Variants in HNRNPD observed in about 807,000 individuals in gnomAD.
HNRNPD encodes the protein heterogeneous nuclear ribonucleoprotein D.
A neutral mutation model predicts 47.9 loss-of-function variants in HNRNPD; 3 were observed. The observed-to-expected ratio is 0.06, with a 90% CI of 0.03 to 0.16. The LOEUF (loss-of-function observed/expected upper bound fraction) is 0.16, where lower values mean the gene tolerates loss of function less well. Among genes scored for constraint, HNRNPD ranks in the 10% least tolerant of loss-of-function variants. HNRNPD has a pLI of 1.00. For missense variants in HNRNPD, 287 were observed against 454.2 expected (o/e 0.63, Z 3.35); for synonymous variants, 171 against 165.1 (o/e 1.04, Z -0.28).
At position 82,373,583 on chromosome 4, in the gene HNRNPD, C is replaced by A. The variant is rs1720244443; in HGVS notation, c.96G>T (p.Ala32=). 1 of 1,536,768 alleles carries A rather than the reference C, an allele frequency of 6.5e-7. No homozygotes were observed. Among genetic ancestry groups the A allele is most frequent in the Non-Finnish European group, 8.7e-7 (1 of 1,144,024 alleles). The change falls in exon 1 of 9, where the codon GCG becomes GCT. Residue 32 remains alanine, a synonymous_variant. Transcript: ENST00000313899. ...SAGEQEGAMV[A]ATQGAAAAAG... is the part of the protein sequence containing the mutation. ...CCGCCGCCGCTGCCCCCTGTGTCGCCGCCACCATGGCTCCCTCCTGCTCGC... is the reference window on the plus strand; with the variant it reads ...CCGCCGCCGCTGCCCCCTGTGTCGCAGCCACCATGGCTCCCTCCTGCTCGC...
chr4:82,352,885 G>GT lies in HNRNPD; in HGVS notation c.*1299dup, dbSNP rs1259722061. On this transcript the variant is annotated 3_prime_UTR_variant, in exon 9 of 9. Coordinates refer to ENST00000313899, the MANE Select transcript of HNRNPD (RefSeq NM_031370.3). The stretch of plus-strand genomic sequence containing the variant: ...TAGCATCAGATGTAACTCCACAAAA[G>GT]TAAGAAAGGTATTCCATCACTTCAC... 6.6e-6 allele frequency: 1 copy of GT among 152,050 alleles called. No homozygotes were observed. Among genetic ancestry groups the GT allele is most frequent in the Non-Finnish European group, 1.5e-5 (1 of 68,008 alleles). 9.4% of individuals were successfully genotyped at this position (152,050 alleles called of 1,614,324 possible).
At chr4:82,370,634 A>C (rs762186070) in intron 2 of HNRNPD, among the ~76,000 whole-genome samples, 7 of 152,172 alleles carry the variant, frequency 4.6e-5, no homozygotes, top group Non-Finnish European at 1.0e-4. Context: ...GTGATAAGCA[A>C]ATCTTTAAAT....
chr4:82,358,584 ACT>A (rs1723826878), intron 4 of HNRNPD, 73 bp downstream of exon 4: 1 of 1,347,634 alleles, frequency 7.4e-7, no homozygotes, highest in Non-Finnish European at 1.0e-6. Flanking sequence ...AAGCCAAGTG[ACT>A]CTGAGTCCAT....
chr4:82,355,707 C>G (rs1179293186), intron 7 of HNRNPD: 1 of 360,256 alleles, frequency 2.8e-6, no homozygotes, highest in Non-Finnish European at 5.0e-6. Context: ...CAACCACCAG[C>G]AAAAAATATC....
intron 8 of HNRNPD, chr4:82,354,952 T>A (rs1220884616): frequency 3.6e-6 from 1 of 276,152 alleles, no homozygotes; most frequent in African/African-American, 2.3e-5. Context: ...TGAGCGGGCC[T>A]GTGAGAATCG....
intron 8 of HNRNPD, chr4:82,354,759 A>G (rs1056802030): frequency 6.5e-6 from 1 of 152,738 alleles, no homozygotes; most frequent in Non-Finnish European, 1.5e-5. Context: ...GTATTTAACC[A>G]TTACTGGGCC....
At chr4:82,355,235 T>C in intron 8 of HNRNPD, 69 bp downstream of exon 8, 1 of 858,972 alleles carries the variant, frequency 1.2e-6, no homozygotes, top group Admixed American at 2.3e-5. Context: ...TAAGCATTGT[T>C]TTATGAACAA....
intron 2 of HNRNPD, 107 bp from the exon 3 acceptor site, chr4:82,359,746 T>A (rs1473779147): frequency 8.3e-6 from 5 of 601,266 alleles, no homozygotes; most frequent in Non-Finnish European, 1.4e-5. Context: ...CTGGGCAGTA[T>A]ATTAAAACAT....
At chr4:82,355,691 C>T (rs1723685909) in intron 7 of HNRNPD, 3 of 394,120 alleles carry the variant, frequency 7.6e-6, no homozygotes, top group East Asian at 4.4e-5. Context: ...ACAGCTGACC[C>T]TTTCACAACC....
intron 1 of HNRNPD, chr4:82,373,204 G>A (rs894443170): frequency 7.1e-6 from 5 of 700,090 alleles, no homozygotes; most frequent in Admixed American, 4.1e-5. Context: ...GGGCCGAGGA[G>A]CAGCATGGTG....
At chr4:82,372,304 T>C (rs1720085193) in intron 1 of HNRNPD, among the ~76,000 whole-genome samples, 1 of 152,168 alleles carries the variant, frequency 6.6e-6, no homozygotes, top group African/African-American at 2.4e-5. Context: ...TCCCAAATGC[T>C]GCATTTTAAT....
chr4:82,363,489 T>G (rs1719594476), intron 2 of HNRNPD, among the ~76,000 whole-genome samples: 1 of 152,208 alleles, frequency 6.6e-6, no homozygotes, highest in Non-Finnish European at 1.5e-5. Context: ...TCCTGCGTAG[T>G]GCAAACACTT....
chr4:82,371,270 G>A (rs1270042199), intron 2 of HNRNPD, among the ~76,000 whole-genome samples: 3 of 152,044 alleles, frequency 2.0e-5, no homozygotes. Flanking sequence ...TAAAAATATC[G>A]TTACTAATTG....
At position 82,373,428 on chromosome 4, in the gene HNRNPD, G is replaced by A. The variant is rs1720215877; in HGVS notation, c.233+18C>T. On this transcript the variant is annotated intron_variant, in intron 1 of 8. Coordinates refer to ENST00000313899, the MANE Select transcript of HNRNPD (RefSeq NM_031370.3). ...GGGACTAGTTGGGCCTGACTATCCTGGGATGCCCCTTACTCACCCTTCATC... is the reference window on the plus strand; with the variant it reads ...GGGACTAGTTGGGCCTGACTATCCTAGGATGCCCCTTACTCACCCTTCATC... 2 of 1,570,508 alleles carry A rather than the reference G, an allele frequency of 1.3e-6. No individual in the cohort carries two copies. The highest frequency in any genetic ancestry group is 1.3e-5 in the African/African-American group (1 of 74,266).
At chr4:82,364,192 A>C (rs1398838995) in intron 2 of HNRNPD, among the ~76,000 whole-genome samples, 2 of 151,960 alleles carry the variant, frequency 1.3e-5, no homozygotes, top group Admixed American at 1.3e-4. Context: ...CTAGTCTTCC[A>C]ACTCCTGGGC....
Position 82,356,561 on chromosome 4 carries a change from A to T in HNRNPD, c.976T>A (p.Tyr326Asn), listed in dbSNP as rs775534955. Residue 326 changes from tyrosine (Y) to asparagine (N), a missense_variant, in exon 7 of 9, where the codon TAC (tyrosine) becomes AAC (asparagine). Tyr to Asn is a moderately radical substitution (Grantham distance 143). Coordinates refer to ENST00000313899, the MANE Select transcript of HNRNPD (RefSeq NM_031370.3). ...CTGCTATAATCACCATATCCATAGT[A>T]GTTGTTGTAACCAGTGTAGTCATAT... Reference protein sequence around the residue: ...GGYDYTGYNNYYGYGDYSNQQ... With the variant: ...GGYDYTGYNNNYGYGDYSNQQ... 1.9e-6 allele frequency: 3 copies of T among 1,608,922 alleles called. No homozygotes were observed. The highest frequency in any genetic ancestry group is 2.5e-6 in the Non-Finnish European group (3 of 1,177,134).
intron 7 of HNRNPD, chr4:82,355,700 C>A: frequency 2.6e-6 from 1 of 377,484 alleles, no homozygotes. Context: ...CCTTTCACAA[C>A]CACCAGCAAA....
rs1325293944 is a variant in HNRNPD at position 82,373,638 on chromosome 4, G to A, written c.41C>T (p.Ala14Val). 7.9e-6 allele frequency: 12 copies of A among 1,524,186 alleles called. No individual in the cohort carries two copies. The highest frequency in any genetic ancestry group is 9.6e-6 in the Non-Finnish European group (11 of 1,142,142). The allele number at this position is 1,524,186 out of a possible 1,614,324, so 94.4% of individuals were successfully genotyped here. A position where few individuals can be genotyped will look rare whatever the true frequency, so the allele number is the denominator to read the frequency against. The change falls in exon 1 of 9, where the codon GCG becomes GTG. Residue 14 changes from alanine (A) to valine (V), a missense_variant. Ala to Val is a moderately conservative substitution (Grantham distance 64, BLOSUM62 0). Transcript: ENST00000313899. ...EQFGGDGAAA[A>V]ATAAVGGSAG... is the part of the protein sequence containing the mutation. Reference sequence around the variant, plus strand: ...CGAGCCGCCTACCGCCGCCGTTGCCGCTGCCGCCGCCCCGTCCCCGCCGAA... The same window carrying A: ...CGAGCCGCCTACCGCCGCCGTTGCCACTGCCGCCGCCCCGTCCCCGCCGAA...
At chr4:82,369,496 T>C (rs1719924698) in intron 2 of HNRNPD, among the ~76,000 whole-genome samples, 1 of 152,232 alleles carries the variant, frequency 6.6e-6, no homozygotes, top group African/African-American at 2.4e-5. Flanking sequence ...TATTTTAGGA[T>C]GAAACTGTAA....
Sources: gnomAD v4.1 joint callset for allele counts (sites outside exome capture counted in the v4.1 genomes callset) on GRCh38, gnomAD v4.1.1 for gene constraint, MANE v1.5 for transcripts, NCBI Gene and HGNC (gene_info 2026-07-23, HGNC 2026-07-21) for gene names.